CELF4: variants seen among roughly 807,000 people sequenced by gnomAD.
The protein encoded by CELF4 is CUG-BP- and ETR-3-like factor 4.
In CELF4, 18 loss-of-function variants were observed where a neutral mutation model predicts 59.9. The ratio of observed to expected loss-of-function variants is 0.30; its 90% CI spans 0.21 to 0.45. CELF4 has a LOEUF of 0.45. Among genes scored for constraint, CELF4 ranks in the 20% least tolerant of loss-of-function variants. The pLI is 1.00. For synonymous variants in CELF4, 261 were observed against 267.1 expected (o/e 0.98, Z 0.22); for missense variants, 456 against 689.0 (o/e 0.66, Z 3.79).
intron 1 of CELF4, among the ~76,000 whole-genome samples, chr18:37,561,684 A>G (rs1685146280): frequency 6.6e-6 from 1 of 152,212 alleles, no homozygotes; most frequent in African/African-American, 2.4e-5. Context: ...AGGAAATGAA[A>G]AGAAGAAAAG....
rs2067923122 is a variant in CELF4, at chr18:37,254,531, C to CA, written c.1334-594dup. 6.6e-6 allele frequency among the ~76,000 whole-genome samples: 1 copy of CA among 152,096 alleles called. No individual in the cohort carries two copies. Among genetic ancestry groups the CA allele is most frequent in the South Asian group, 2.1e-4 (1 of 4,828 alleles). ...TGAGCCCTCGCGGGCCCTCCGCCCC[C>CA]ACTCCCGGCCTCTGCCCGCCCCGCC... On this transcript the variant is annotated intron_variant, in intron 11 of 12. Coordinates refer to ENST00000420428, the MANE Select transcript of CELF4 (RefSeq NM_020180.4). This position sits in a 1 kb window ranked among gnomAD's most constrained non-coding sequence, Gnocchi z 5.1.
intron 3 of CELF4, among the ~76,000 whole-genome samples, chr18:37,309,707 G>A (rs2096576864): frequency 6.6e-6 from 1 of 152,004 alleles, no homozygotes; most frequent in Middle Eastern, 3.4e-3. Flanking sequence ...AGGTATGCGC[G>A]CCCTGGGATG....
At chr18:37,277,321 C>T (rs1008833009) in intron 3 of CELF4, among the ~76,000 whole-genome samples, 9 of 152,228 alleles carry the variant, frequency 5.9e-5, no homozygotes, top group African/African-American at 1.7e-4. Flanking sequence ...GACCCCAGAG[C>T]CCAGGCCCCA....
intron 6 of CELF4, 105 bp downstream of exon 6, chr18:37,274,206 G>A (rs1408508131): frequency 2.0e-6 from 3 of 1,532,674 alleles, no homozygotes; most frequent in African/African-American, 2.8e-5. Context: ...CACTCTGGAG[G>A]GAGAGGGCAA....
intron 3 of CELF4, among the ~76,000 whole-genome samples, chr18:37,278,214 C>A (rs935912148): frequency 1.3e-5 from 2 of 152,194 alleles, no homozygotes; most frequent in Non-Finnish European, 2.9e-5. Context: ...GGCTCCCCCT[C>A]TTCCTCCCCA....
At chr18:37,479,142 C>T (rs2099859026) in intron 2 of CELF4, among the ~76,000 whole-genome samples, 1 of 152,326 alleles carries the variant, frequency 6.6e-6, no homozygotes, top group South Asian at 2.1e-4. Flanking sequence ...ATCCTTAATG[C>T]CCGGAGGTGG....
chr18:37,306,616 C>T (rs2154477041), intron 3 of CELF4, among the ~76,000 whole-genome samples: 1 of 152,352 alleles, frequency 6.6e-6, no homozygotes, highest in African/African-American at 2.4e-5. Flanking sequence ...TCAAGAGGTG[C>T]TCTGTGCTGC....
chr18:37,249,442 A>G (rs1222077172), intron 12 of CELF4, among the ~76,000 whole-genome samples: 1 of 152,150 alleles, frequency 6.6e-6, no homozygotes, highest in Non-Finnish European at 1.5e-5. Context: ...ACCGCTTGTC[A>G]GGGCCAGGCA....
At chr18:37,356,651 C>T (rs2098589573) in intron 2 of CELF4, among the ~76,000 whole-genome samples, 1 of 152,210 alleles carries the variant, frequency 6.6e-6, no homozygotes, top group Non-Finnish European at 1.5e-5. Context: ...CGAAGGGGCC[C>T]TCCTGGGCTG....
At chr18:37,521,334 G>C (rs1252401921) in intron 1 of CELF4, among the ~76,000 whole-genome samples, 2 of 152,002 alleles carry the variant, frequency 1.3e-5, no homozygotes, top group African/African-American at 4.8e-5. Flanking sequence ...TGGTCCCCCA[G>C]CCCTCCACCC....
intron 2 of CELF4, among the ~76,000 whole-genome samples, chr18:37,442,150 G>T (rs749298137): frequency 6.6e-6 from 1 of 152,166 alleles, no homozygotes; most frequent in Non-Finnish European, 1.5e-5. Context: ...CTTTGGGAGG[G>T]TGAATGGAGG....
At chr18:37,411,837 T>C (rs1382898095) in intron 2 of CELF4, among the ~76,000 whole-genome samples, 1 of 152,224 alleles carries the variant, frequency 6.6e-6, no homozygotes. Flanking sequence ...CAAGGCCTAG[T>C]TCAGCTGTGC....
At chr18:37,365,481 A>ATTTTTTTTTTT (rs10670336) in intron 2 of CELF4, among the ~76,000 whole-genome samples, 2 of 97,764 alleles carry the variant, frequency 2.0e-5, no homozygotes, top group African/African-American at 4.3e-5. Context: ...GGATGGGGCA[A>ATTTTTTTTTTT]TTTTTTTTTT....
chr18:37,362,452 G>A (rs1484641655), intron 2 of CELF4, among the ~76,000 whole-genome samples: 4 of 152,280 alleles, frequency 2.6e-5, no homozygotes, highest in South Asian at 2.1e-4. Flanking sequence ...GGGGCTGGCC[G>A]GCTGTGGGGC....
intron 3 of CELF4, among the ~76,000 whole-genome samples, chr18:37,301,377 G>A (rs957995239): frequency 1.3e-5 from 2 of 152,166 alleles, no homozygotes; most frequent in Non-Finnish European, 2.9e-5. Context: ...CAGAGATGGG[G>A]GCATGGGTCC....
At chr18:37,371,786 G>A (rs727486) in intron 2 of CELF4, among the ~76,000 whole-genome samples, 33,443 of 152,120 alleles carry the variant, frequency 0.22, 3,847 homozygotes, top group East Asian at 0.32. Context: ...CAGTGCCCAG[G>A]CCCTGGGGAT....
At chr18:37,548,528 C>T (rs1236370519) in intron 1 of CELF4, among the ~76,000 whole-genome samples, 1 of 152,212 alleles carries the variant, frequency 6.6e-6, no homozygotes, top group Non-Finnish European at 1.5e-5. Context: ...CCTACCCATC[C>T]TCAGGCCTTT....
intron 2 of CELF4, among the ~76,000 whole-genome samples, chr18:37,476,912 G>A (rs1475250521): frequency 6.6e-6 from 1 of 152,232 alleles, no homozygotes; most frequent in Admixed American, 6.5e-5. Flanking sequence ...CTGGGCCAAA[G>A]CACCTTCCAC....
chr18:37,379,507 C>CAAAAA lies in CELF4; in HGVS notation c.370-57631_370-57627dup, dbSNP rs56250210. On this transcript the variant is annotated intron_variant, in intron 2 of 12. Transcript: ENST00000420428. ...GGCATCACAAATAAGAGGCCATAAG[C>CAAAAA]AAAAAAAAAAAAAAAAAAAAAAAAA... Among the ~76,000 whole-genome samples the CAAAAA allele has an allele frequency of 1.2e-3, 53 of 45,702 alleles. 1 individual carries two copies. Among genetic ancestry groups the CAAAAA allele is most frequent in the Non-Finnish European group, 1.5e-3 (43 of 27,960 alleles). 30.0% of individuals were successfully genotyped at this position (45,702 alleles called of 152,430 possible).
Sources: gnomAD v4.1 joint callset for allele counts (sites outside exome capture counted in the v4.1 genomes callset) on GRCh38, gnomAD v4.1.1 for gene constraint, Gnocchi (gnomAD v3.1) non-coding constraint, MANE v1.5 for transcripts, NCBI Gene and HGNC (gene_info 2026-07-23, HGNC 2026-07-21) for gene names.